Variants in ADAM18 observed in about 807,000 individuals in gnomAD.
ADAM18 encodes the protein disintegrin and metalloproteinase domain-containing protein 18.
A neutral mutation model predicts 94.4 loss-of-function variants in ADAM18; 117 were observed. The ratio of observed to expected loss-of-function variants is 1.24; its 90% CI spans 1.07 to 1.45. The LOEUF is 1.45. Ranked by LOEUF, ADAM18 falls within the 40% of genes most tolerant of loss-of-function variation. The pLI, the probability that ADAM18 is intolerant of heterozygous loss-of-function variation, is 0.00. For synonymous variants in ADAM18, 327 were observed against 291.6 expected, an observed-to-expected ratio of 1.12 and a Z score of -1.24; for missense variants, 936 against 880.0, an observed-to-expected ratio of 1.06 and a Z score of -0.81.
chr8:39,665,826 A>G (rs1406959269), intron 13 of ADAM18, among the ~76,000 whole-genome samples: 1 of 152,186 alleles, frequency 6.6e-6, no homozygotes, highest in African/African-American at 2.4e-5. Flanking sequence ...CATAAAAACA[A>G]AATATGTTTT....
intron 6 of ADAM18, among the ~76,000 whole-genome samples, chr8:39,624,498 T>C (rs1363675355): frequency 2.6e-5 from 4 of 152,212 alleles, no homozygotes; most frequent in African/African-American, 9.6e-5. Flanking sequence ...TATATTCCAT[T>C]GGTCTATGTA....
At chr8:39,727,393 A>T (rs1411319410) in intron 19 of ADAM18, among the ~76,000 whole-genome samples, 1 of 152,224 alleles carries the variant, frequency 6.6e-6, no homozygotes, top group African/African-American at 2.4e-5. Flanking sequence ...TCCTGATTAA[A>T]TATAAATTTC....
intron 14 of ADAM18, among the ~76,000 whole-genome samples, chr8:39,674,808 G>A (rs1821255703): frequency 6.6e-6 from 1 of 152,164 alleles, no homozygotes. Flanking sequence ...GCTCCTGTAA[G>A]GCAGGCCTGG....
intron 12 of ADAM18, among the ~76,000 whole-genome samples, chr8:39,650,794 TG>T (rs1157733423): frequency 2.6e-5 from 4 of 152,202 alleles, no homozygotes; most frequent in African/African-American, 7.2e-5. Flanking sequence ...TTTTCAATTT[TG>T]AAGGGGTGGC....
At chr8:39,645,570 A>C in intron 11 of ADAM18, 96 bp downstream of exon 11, 1 of 1,157,868 alleles carries the variant, frequency 8.6e-7, no homozygotes, top group Non-Finnish European at 1.2e-6. Context: ...GCACCACATC[A>C]ATGGCTAGAA....
chr8:39,677,041 AAGGACAGG>A (rs1821320253), intron 14 of ADAM18, among the ~76,000 whole-genome samples: 2 of 152,202 alleles, frequency 1.3e-5, no homozygotes, highest in Admixed American at 6.5e-5. Context: ...ATGTGCTACA[AAGGACAGG>A]AGGTAGACTC....
chr8:39,584,672 A>C lies in ADAM18; in HGVS notation c.50A>C (p.His17Pro). 1 of 1,613,238 alleles carries C rather than the reference A, an allele frequency of 6.2e-7. No individual in the cohort carries two copies. The highest frequency in any genetic ancestry group is 8.5e-7 in the Non-Finnish European group (1 of 1,180,018). The change falls in exon 1 of 20, where the codon CAC becomes CCC. Residue 17 changes from histidine to proline, a missense_variant. Physicochemically the swap from His to Pro is moderately conservative, Grantham distance 77. Transcript: ENST00000265707. ...ACTGAGCTTGGAAGACTGCAAGCCC[A>C]CGAAGGTAAGTCCATGGGAGCCTCC... ...LLTELGRLQA[H>P]EGSEGIFLHV...
chr8:39,657,389 C>G (rs1820717474), intron 12 of ADAM18, among the ~76,000 whole-genome samples: 2 of 152,080 alleles, frequency 1.3e-5, no homozygotes, highest in South Asian at 4.1e-4. Context: ...TCAGCTCACT[C>G]TAACCTCTGC....
chr8:39,678,070 C>T (rs910803141), intron 15 of ADAM18, among the ~76,000 whole-genome samples: 1 of 152,006 alleles, frequency 6.6e-6, no homozygotes, highest in East Asian at 1.9e-4. Context: ...AAGTGCCTAC[C>T]CTGTAATGAA....
intron 12 of ADAM18, among the ~76,000 whole-genome samples, chr8:39,657,528 C>A (rs1455102455): frequency 6.6e-6 from 1 of 152,090 alleles, no homozygotes; most frequent in Non-Finnish European, 1.5e-5. Flanking sequence ...GTTGCCCAGG[C>A]TGGTTTTGAA....
At chr8:39,706,137 A>C (rs555648442) in intron 17 of ADAM18, among the ~76,000 whole-genome samples, 7 of 152,256 alleles carry the variant, frequency 4.6e-5, no homozygotes, top group African/African-American at 1.7e-4. Context: ...AACTGTAGAA[A>C]TATTAATACA....
intron 2 of ADAM18, among the ~76,000 whole-genome samples, chr8:39,602,491 A>G (rs184336310): frequency 1.8e-3 from 267 of 152,306 alleles, no homozygotes; most frequent in African/African-American, 6.2e-3. Context: ...TTGAATCCAG[A>G]TGAGAACTTT....
At chr8:39,624,617 A>T (rs933889337) in intron 6 of ADAM18, among the ~76,000 whole-genome samples, 1 of 152,062 alleles carries the variant, frequency 6.6e-6, no homozygotes, top group Non-Finnish European at 1.5e-5. Flanking sequence ...AAGAATGCTG[A>T]TATGTTTCTG....
rs557316954 is a variant in ADAM18, at chr8:39,712,242, G to A, written c.2017+5338G>A. Among the ~76,000 whole-genome samples the A allele has an allele frequency of 4.6e-3, 701 of 152,022 alleles. 6 individuals carry two copies. Among genetic ancestry groups the A allele is most frequent in the Non-Finnish European group, 7.1e-3 (484 of 67,944 alleles). On this transcript the variant is annotated intron_variant, in intron 18 of 19. Transcript: ENST00000265707. ...AAAAGGCCTTTGATAAAATTCAACA[G>A]CCCTTCATGCTAAAAACTCTCAATA...
chr8:39,683,396 C>T (rs771595660), intron 16 of ADAM18, among the ~76,000 whole-genome samples: 5 of 152,298 alleles, frequency 3.3e-5, no homozygotes, highest in East Asian at 1.9e-4. Context: ...ACAGAAACTG[C>T]GATAATATGT....
At chr8:39,678,035 A>G (rs1273907505) in intron 15 of ADAM18, among the ~76,000 whole-genome samples, 5 of 152,228 alleles carry the variant, frequency 3.3e-5, no homozygotes, top group African/African-American at 1.2e-4. Flanking sequence ...AAAGGGATTA[A>G]TGAAATCCAA....
chr8:39,724,014 T>G (rs947563597), intron 19 of ADAM18, 107 bp downstream of exon 19: 5 of 728,402 alleles, frequency 6.9e-6, no homozygotes, highest in Non-Finnish European at 9.8e-6. Context: ...ATATACTATT[T>G]TAAATCTAAT....
chr8:39,584,737 T>A, intron 1 of ADAM18, 60 bp downstream of exon 1: 2 of 1,574,196 alleles, frequency 1.3e-6, no homozygotes, highest in African/African-American at 2.7e-5. Context: ...GGGCTCTTAC[T>A]GGGAGCAGTT....
intron 2 of ADAM18, among the ~76,000 whole-genome samples, chr8:39,588,529 A>G (rs909319466): frequency 6.6e-6 from 1 of 152,222 alleles, no homozygotes; most frequent in South Asian, 2.1e-4. Flanking sequence ...CCATAAAACA[A>G]TGGCTTAAAT....
Sources: gnomAD v4.1 joint callset for allele counts (sites outside exome capture counted in the v4.1 genomes callset) on GRCh38, gnomAD v4.1.1 for gene constraint, MANE v1.5 for transcripts, NCBI Gene and HGNC (gene_info 2026-07-23, HGNC 2026-07-21) for gene names.